The following SHISA6 variants were observed in gnomAD, a reference collection of about 807,000 sequenced individuals.
SHISA6 encodes the protein shisa family member 6.
SHISA6 carries 22 observed loss-of-function variants against 47.9 expected under a neutral mutation model. The observed-to-expected ratio is 0.46, with a 90% CI of 0.33 to 0.66. SHISA6 has a LOEUF of 0.66. SHISA6 is among the 30% of genes least tolerant of loss of function. SHISA6 has a pLI of 0.02. For missense variants in SHISA6, 680 were observed against 764.6 expected (o/e 0.89, Z 1.30); for synonymous variants, 388 against 337.8 (o/e 1.15, Z -1.63).
chr17:11,307,143 C>CTTTTTTTTTTCTTTTTTTTTTTTTT (rs56109461), intron 2 of SHISA6, among the ~76,000 whole-genome samples: 1 of 145,238 alleles, frequency 6.9e-6, no homozygotes, highest in Admixed American at 6.9e-5. Flanking sequence ...TGTTTGTTTT[C>CTTTTTTTTTTCTTTTTTTTTTTTTT]TTTTTTTTTC....
At chr17:11,550,889 G>A (rs2142386848) in intron 3 of SHISA6, among the ~76,000 whole-genome samples, 1 of 152,292 alleles carries the variant, frequency 6.6e-6, no homozygotes, top group South Asian at 2.1e-4. Flanking sequence ...CAGAATAGAA[G>A]GGGAAATGGG....
intron 1 of SHISA6, among the ~76,000 whole-genome samples, chr17:11,244,723 A>G (rs1284778168): frequency 6.6e-6 from 1 of 152,248 alleles, no homozygotes; most frequent in Non-Finnish European, 1.5e-5. Flanking sequence ...CGAGAGGTCA[A>G]GAGAGGAAGC....
intron 2 of SHISA6, among the ~76,000 whole-genome samples, chr17:11,330,817 G>A (rs967250602): frequency 2.6e-5 from 4 of 152,120 alleles, no homozygotes; most frequent in African/African-American, 7.2e-5. Context: ...GTTGGCCTTC[G>A]TCTTTGGTCT....
At chr17:11,497,210 C>G (rs572324201) in intron 3 of SHISA6, among the ~76,000 whole-genome samples, 11 of 152,130 alleles carry the variant, frequency 7.2e-5, no homozygotes, top group Non-Finnish European at 1.3e-4. Flanking sequence ...GAATGAGGAA[C>G]CTGCAATCAT....
chr17:11,329,744 C>A (rs1387702686), intron 2 of SHISA6, among the ~76,000 whole-genome samples: 1 of 152,072 alleles, frequency 6.6e-6, no homozygotes, highest in Admixed American at 6.6e-5. Flanking sequence ...CAAGGTCCAG[C>A]AGAACCAGTT....
intron 1 of SHISA6, among the ~76,000 whole-genome samples, chr17:11,260,083 A>G (rs1597426483): frequency 6.6e-6 from 1 of 152,186 alleles, no homozygotes; most frequent in African/African-American, 2.4e-5. Flanking sequence ...TACTTTTGCT[A>G]TTAAGGTGAT....
At chr17:11,436,643 C>T (rs534582276) in intron 3 of SHISA6, among the ~76,000 whole-genome samples, 2 of 152,292 alleles carry the variant, frequency 1.3e-5, no homozygotes, top group East Asian at 1.9e-4. Context: ...AGGGGAGGCA[C>T]TCTCATGAAC....
At chr17:11,315,212 T>G (rs1910466035) in intron 2 of SHISA6, among the ~76,000 whole-genome samples, 1 of 152,212 alleles carries the variant, frequency 6.6e-6, no homozygotes, top group Non-Finnish European at 1.5e-5. Context: ...TTTATCATTT[T>G]TCTTATTAAA....
rs545673169 is a variant in SHISA6, at chr17:11,459,575, C to T, written c.895+80066C>T. Among the ~76,000 whole-genome samples the T allele has an allele frequency of 3.9e-5, 6 of 152,276 alleles. No homozygotes were observed. The South Asian group carries it at 1.2e-3, about 32-fold the overall frequency. ...ATCAAGACCTCTTTCTGCCTGGATC[C>T]AGCCTTCATGTTAGGTTTTATGTGC... is the stretch of plus-strand genomic sequence containing the variant. On this transcript the variant is annotated intron_variant, in intron 3 of 5. Coordinates refer to ENST00000441885, the MANE Select transcript of SHISA6 (RefSeq NM_207386.4).
At chr17:11,333,761 A>G (rs1038265918) in intron 2 of SHISA6, among the ~76,000 whole-genome samples, 2 of 152,086 alleles carry the variant, frequency 1.3e-5, no homozygotes, top group Non-Finnish European at 2.9e-5. Flanking sequence ...GTGGCTGGGC[A>G]TGGTGGCTCA....
intron 2 of SHISA6, among the ~76,000 whole-genome samples, chr17:11,320,866 G>T (rs888228446): frequency 1.3e-5 from 2 of 152,188 alleles, no homozygotes; most frequent in Non-Finnish European, 2.9e-5. Context: ...GTTTTCCAGA[G>T]AATCATCATT....
chr17:11,466,683 G>A (rs1330935649), intron 3 of SHISA6, among the ~76,000 whole-genome samples: 4 of 152,152 alleles, frequency 2.6e-5, no homozygotes, highest in Admixed American at 6.5e-5. Context: ...ATAAGATTTT[G>A]TAGGCACTTT....
intron 2 of SHISA6, among the ~76,000 whole-genome samples, chr17:11,333,965 C>T (rs986680629): frequency 1.3e-5 from 2 of 152,176 alleles, no homozygotes; most frequent in African/African-American, 2.4e-5. Flanking sequence ...ACAGAAGCTC[C>T]GTGCTCCCCA....
intron 3 of SHISA6, among the ~76,000 whole-genome samples, chr17:11,547,414 C>T (rs2071892247): frequency 6.6e-6 from 1 of 152,138 alleles, no homozygotes; most frequent in Admixed American, 6.5e-5. Flanking sequence ...GGCAAAAGTT[C>T]AAACAAACAA....
intron 3 of SHISA6, among the ~76,000 whole-genome samples, chr17:11,414,836 C>T (rs1183210919): frequency 2.0e-5 from 3 of 152,070 alleles, no homozygotes; most frequent in Admixed American, 6.6e-5. Flanking sequence ...GCCTGTAATC[C>T]CAGCACTTTG....
intron 2 of SHISA6, among the ~76,000 whole-genome samples, chr17:11,345,706 A>G (rs976393866): frequency 2.6e-5 from 4 of 152,004 alleles, no homozygotes; most frequent in African/African-American, 7.2e-5. Context: ...TTATTACTAG[A>G]TATTTTATTT....
intron 3 of SHISA6, among the ~76,000 whole-genome samples, chr17:11,513,587 A>G (rs1027688924): frequency 2.6e-5 from 4 of 152,226 alleles, no homozygotes; most frequent in Non-Finnish European, 5.9e-5. Context: ...CTTCCACGGA[A>G]TGATATGCTT....
chr17:11,434,189 G>C (rs973168496), intron 3 of SHISA6, among the ~76,000 whole-genome samples: 3 of 150,972 alleles, frequency 2.0e-5, no homozygotes, highest in Non-Finnish European at 4.4e-5. Context: ...TCAGCCTCCT[G>C]AGTAGCTGGG....
chr17:11,436,482 AT>A (rs756688550), intron 3 of SHISA6, among the ~76,000 whole-genome samples: 10 of 152,180 alleles, frequency 6.6e-5, no homozygotes, highest in Non-Finnish European at 1.3e-4. Context: ...ACAACTACTT[AT>A]GGATTTCTGA....
Sources: gnomAD v4.1 joint callset for allele counts (sites outside exome capture counted in the v4.1 genomes callset) on GRCh38, gnomAD v4.1.1 for gene constraint, MANE v1.5 for transcripts, NCBI Gene and HGNC (gene_info 2026-07-23, HGNC 2026-07-21) for gene names.